The following TENM2 variants were observed in gnomAD, a reference collection of about 807,000 sequenced individuals.
The protein encoded by TENM2 is teneurin-2.
A neutral mutation model predicts 245.2 loss-of-function variants in TENM2; 52 were observed. The observed-to-expected ratio is 0.21, with a 90% CI of 0.17 to 0.27. The LOEUF (loss-of-function observed/expected upper bound fraction) is 0.27. Among genes scored for constraint, TENM2 ranks in the 10% least tolerant of loss-of-function variants. The pLI, the probability that TENM2 is intolerant of heterozygous loss-of-function variation, is 1.00. For missense variants in TENM2, 3,046 were observed against 3,666.8 expected, an observed-to-expected ratio of 0.83 and a Z score of 4.37; for synonymous variants, 1,363 against 1,438.9, an observed-to-expected ratio of 0.95 and a Z score of 1.19.
intron 3 of TENM2, among the ~76,000 whole-genome samples, chr5:167,917,959 GTTATTA>G (rs987078200): frequency 6.6e-6 from 1 of 152,020 alleles, no homozygotes; most frequent in African/African-American, 2.4e-5. Flanking sequence ...ATTGGTTAGT[GTTATTA>G]TTATAGGTTA....
At chr5:167,297,065 A>T (rs1023088016) in intron 1 of TENM2, among the ~76,000 whole-genome samples, 1 of 152,212 alleles carries the variant, frequency 6.6e-6, no homozygotes, top group Non-Finnish European at 1.5e-5. Context: ...CCAAATCTTT[A>T]TATAAATAAA....
Position 167,898,068 on chromosome 5 carries a change from C to A in TENM2, c.712+21873C>A, listed in dbSNP as rs1410514695. ...TGATCTGGGTTTGTCATTGAAGAGC[C>A]CTTTGCTATAGCATTGCTTAGGACT... On this transcript the variant is annotated intron_variant, in intron 3 of 28. Coordinates refer to ENST00000518659, the Ensembl canonical transcript of TENM2. Among the ~76,000 whole-genome samples, 3 of 151,906 alleles carry A rather than the reference C, an allele frequency of 2.0e-5. No individual in the cohort carries two copies. The South Asian group carries it at 6.3e-4, about 32-fold the overall frequency.
chr5:167,794,360 G>A (rs752210811), intron 2 of TENM2, among the ~76,000 whole-genome samples: 1 of 152,200 alleles, frequency 6.6e-6, no homozygotes, highest in Non-Finnish European at 1.5e-5. Context: ...TTTGGTCCTG[G>A]CAGCTTAGGC....
chr5:167,541,604 A>G (rs889323037), intron 2 of TENM2, among the ~76,000 whole-genome samples: 2 of 152,160 alleles, frequency 1.3e-5, no homozygotes, highest in African/African-American at 2.4e-5. Flanking sequence ...TAGAATCAAT[A>G]TATCTGCACT....
intron 3 of TENM2, among the ~76,000 whole-genome samples, chr5:167,940,571 A>T (rs925764877): frequency 2.0e-5 from 3 of 152,200 alleles, no homozygotes; most frequent in African/African-American, 7.2e-5. Flanking sequence ...CTGTATCTCC[A>T]GGCCAAGGGT....
At chr5:167,755,471 T>C (rs966025081) in intron 2 of TENM2, among the ~76,000 whole-genome samples, 3 of 148,802 alleles carry the variant, frequency 2.0e-5, no homozygotes, top group African/African-American at 7.4e-5. Context: ...AAAAAAAATA[T>C]GTGAAAATAA....
intron 2 of TENM2, among the ~76,000 whole-genome samples, chr5:167,670,442 A>C (rs904394989): frequency 8.5e-5 from 13 of 152,138 alleles, no homozygotes; most frequent in Admixed American, 6.5e-5. Flanking sequence ...TCCTTTGGCC[A>C]GATATTTATT....
the TENM2 span, among the ~76,000 whole-genome samples, chr5:167,050,982 A>G: frequency 9.6e-4 from 146 of 152,202 alleles, no homozygotes; most frequent in Admixed American, 1.6e-3. Context: ...CTTGTCTAAA[A>G]CACTGACTCA....
At chr5:167,861,046 A>G (rs1771748486) in intron 2 of TENM2, among the ~76,000 whole-genome samples, 1 of 87,792 alleles carries the variant, frequency 1.1e-5, no homozygotes, top group South Asian at 4.8e-4. Context: ...CAATAAAAAA[A>G]AAAATTAAAA....
At chr5:167,973,858 G>A (rs992870555) in intron 4 of TENM2, among the ~76,000 whole-genome samples, 3 of 152,050 alleles carry the variant, frequency 2.0e-5, no homozygotes, top group Non-Finnish European at 4.4e-5. Context: ...GTGTGGGATG[G>A]GGAGCCCAAA....
chr5:168,198,531 G>A (rs931135331), intron 15 of TENM2, among the ~76,000 whole-genome samples: 4 of 152,136 alleles, frequency 2.6e-5, no homozygotes, highest in Admixed American at 6.5e-5. Flanking sequence ...GTGGTGGGCC[G>A]GATTTAGCTC....
At chr5:167,967,858 C>T (rs764485293) in intron 4 of TENM2, among the ~76,000 whole-genome samples, 5 of 152,196 alleles carry the variant, frequency 3.3e-5, no homozygotes, top group Admixed American at 6.5e-5. Flanking sequence ...TGAGGCACTT[C>T]CTGAAGTCTT....
At chr5:168,116,811 G>T (rs1273338060) in intron 9 of TENM2, among the ~76,000 whole-genome samples, 1 of 152,126 alleles carries the variant, frequency 6.6e-6, no homozygotes, top group African/African-American at 2.4e-5. Flanking sequence ...ACATGATTAG[G>T]TATGCCATCG....
chr5:167,176,152 T>G, the TENM2 span, among the ~76,000 whole-genome samples: 1 of 152,158 alleles, frequency 6.6e-6, no homozygotes. Flanking sequence ...TCTCAGTGAG[T>G]CTTTCTCCTA....
At chr5:167,427,031 G>A (rs1440050364) in intron 2 of TENM2, among the ~76,000 whole-genome samples, 3 of 152,076 alleles carry the variant, frequency 2.0e-5, no homozygotes, top group Admixed American at 1.3e-4. Flanking sequence ...ACAACATGTG[G>A]TCAGGATGCC....
At chr5:167,240,625 C>T in the TENM2 span, among the ~76,000 whole-genome samples, 2 of 120,700 alleles carry the variant, frequency 1.7e-5, no homozygotes, top group African/African-American at 7.5e-5. Context: ...CAGCCAGGTC[C>T]TTTTCCAACG....
In TENM2 at chr5:167,594,781, C is replaced by T. The variant is rs148278679; in HGVS notation, c.502+219308C>T. 7.2e-5 allele frequency among the ~76,000 whole-genome samples: 11 copies of T among 152,196 alleles called. No individual in the cohort carries two copies. The East Asian group carries it at 1.7e-3, about 24-fold the overall frequency. ...ACCTCAAGCGGGGATTGTCTGTCTT[C>T]GATCATATGTTATCCCAGATGACTA... On this transcript the variant is annotated intron_variant, in intron 2 of 28. Coordinates refer to ENST00000518659, the Ensembl canonical transcript of TENM2.
intron 4 of TENM2, 96 bp from the exon 7 acceptor site, chr5:167,992,848 A>G: frequency 3.4e-6 from 3 of 882,662 alleles, no homozygotes; most frequent in Non-Finnish European, 3.7e-6. Flanking sequence ...AACTAGGATT[A>G]TGCTAGGACT....
At chr5:167,677,851 T>C (rs1756438693) in intron 2 of TENM2, among the ~76,000 whole-genome samples, 1 of 151,586 alleles carries the variant, frequency 6.6e-6, no homozygotes, top group Non-Finnish European at 1.5e-5. Context: ...TAATTTCTCT[T>C]CCCCAAATTT....
Sources: allele counts gnomAD v4.1 joint callset (sites outside exome capture counted in the v4.1 genomes callset), GRCh38; gene constraint gnomAD v4.1.1; transcripts MANE v1.5; gene names NCBI Gene and HGNC (gene_info 2026-07-23, HGNC 2026-07-21).